SLC6A17: variants seen among roughly 807,000 people sequenced by gnomAD.
SLC6A17 encodes sodium-dependent neutral amino acid transporter SLC6A17.
A neutral mutation model predicts 64.5 loss-of-function variants in SLC6A17; 21 were observed. That is an observed-to-expected ratio of 0.33 (90% CI 0.23 to 0.47). The LOEUF (loss-of-function observed/expected upper bound fraction) is 0.47, where lower values mean the gene tolerates loss of function less well. Among genes scored for constraint, SLC6A17 ranks in the 20% least tolerant of loss-of-function variants. SLC6A17 has a pLI of 1.00. For synonymous variants in SLC6A17, 372 were observed against 399.5 expected, an observed-to-expected ratio of 0.93 and a Z score of 0.82; for missense variants, 682 against 963.2, an observed-to-expected ratio of 0.71 and a Z score of 3.86.
chr1:110,186,943 G>GA (rs1223240238), intron 6 of SLC6A17, among the ~76,000 whole-genome samples: 1 of 152,156 alleles, frequency 6.6e-6, no homozygotes, highest in Non-Finnish European at 1.5e-5. Flanking sequence ...GGAATTTCAG[G>GA]AAAAAATTAC....
chr1:110,157,885 C>A (rs1172769954), intron 1 of SLC6A17, among the ~76,000 whole-genome samples: 1 of 152,146 alleles, frequency 6.6e-6, no homozygotes, highest in African/African-American at 2.4e-5. Flanking sequence ...TTTCCCAGGA[C>A]ATCCACATGG....
chr1:110,197,455 G>A lies in SLC6A17; in HGVS notation c.1671G>A (p.Thr557=), dbSNP rs768316071. 12 of 1,612,832 alleles carry A rather than the reference G, an allele frequency of 7.4e-6. No homozygotes were observed. The highest frequency in any genetic ancestry group is 1.7e-4 in the Middle Eastern group (1 of 6,058). Residue 557 remains threonine (T), a synonymous_variant, in exon 11 of 12, where the codon ACG becomes ACA. Transcript: ENST00000331565. ...CTGGCAGGTTCATGCAGGAGCTGAC[G>A]GAGATGCTGGGCTTCCGCCCCTACC... ...YGTKKFMQEL[T]EMLGFRPYRF...
chr1:110,193,945 CAG>C (rs1463904626), intron 8 of SLC6A17, among the ~76,000 whole-genome samples: 3 of 152,214 alleles, frequency 2.0e-5, no homozygotes, highest in South Asian at 2.1e-4. Flanking sequence ...GTGTAAGTGA[CAG>C]GGGGCAGTGT....
intron 5 of SLC6A17, among the ~76,000 whole-genome samples, chr1:110,175,779 C>G (rs969675739): frequency 2.6e-5 from 4 of 152,228 alleles, no homozygotes; most frequent in African/African-American, 9.6e-5. Context: ...TTGACCTCTT[C>G]CCTTTCCAGA....
rs1657071642 is a variant in SLC6A17 at position 110,199,811 on chromosome 1, C to T, written c.*1367C>T. On this transcript the variant is annotated 3_prime_UTR_variant, in exon 12 of 12. Coordinates refer to ENST00000331565, the MANE Select transcript of SLC6A17 (RefSeq NM_001010898.4). ...TTCTCAGAGTGCAGCCAGGGAGGAA[C>T]CTGACCCAAGAGTAAATGTCTGCAG... is the stretch of plus-strand genomic sequence containing the variant. 2.5e-6 allele frequency: 1 copy of T among 396,014 alleles called. No individual in the cohort carries two copies. The allele number at this position is 396,014 out of a possible 1,614,324, so 24.5% of individuals were successfully genotyped here.
chr1:110,174,639 C>A, intron 4 of SLC6A17, 140 bp from the exon 5 acceptor site: 1 of 1,063,962 alleles, frequency 9.4e-7, no homozygotes, highest in Non-Finnish European at 1.3e-6. Context: ...TCCCGGCTAA[C>A]CCAAGATGAG....
intron 6 of SLC6A17, among the ~76,000 whole-genome samples, chr1:110,189,864 C>G (rs965525189): frequency 1.3e-5 from 2 of 152,220 alleles, no homozygotes; most frequent in African/African-American, 4.8e-5. Flanking sequence ...GGAAGCCTTG[C>G]CTGGCCTCCC....
intron 3 of SLC6A17, 124 bp downstream of exon 3, chr1:110,172,341 C>T (rs1302774608): frequency 1.6e-6 from 2 of 1,249,894 alleles, no homozygotes; most frequent in Non-Finnish European, 2.2e-6. Flanking sequence ...GAGGGGGATC[C>T]TCAACATGGG....
chr1:110,192,234 T>C lies in SLC6A17; in HGVS notation c.1106+21T>C. 1 of 1,595,590 alleles carries C rather than the reference T, an allele frequency of 6.3e-7. No homozygotes were observed. Among genetic ancestry groups the C allele is most frequent in the Non-Finnish European group, 8.6e-7 (1 of 1,168,122 alleles). On this transcript the variant is annotated intron_variant, in intron 7 of 11. Transcript: ENST00000331565. The surrounding 1 kb of genome is among the most constrained non-coding windows in gnomAD (Gnocchi z 4.3). ...GTCGAGTAGGTGGCATCTCTCCTCC[T>C]GTCCCTCCTTCTCCCTGTCTACCTT...
At position 110,194,781 on chromosome 1, in the gene SLC6A17, C is replaced by T. The variant is rs753822702; in HGVS notation, c.1492+10C>T. On this transcript the variant is annotated intron_variant, in intron 9 of 11. Coordinates refer to ENST00000331565, the MANE Select transcript of SLC6A17 (RefSeq NM_001010898.4). ...AAGGAGATGTTCACAGGTAACTCCTCCCTGCCCCCATGCCCAGGCTCTGCA... is the reference window on the plus strand; with the variant it reads ...AAGGAGATGTTCACAGGTAACTCCTTCCTGCCCCCATGCCCAGGCTCTGCA... 6.2e-7 allele frequency: 1 copy of T among 1,611,314 alleles called. No homozygotes were observed. Among genetic ancestry groups the T allele is most frequent in the Non-Finnish European group, 8.5e-7 (1 of 1,180,014 alleles).
intron 1 of SLC6A17, among the ~76,000 whole-genome samples, chr1:110,151,834 T>C (rs1238558216): frequency 6.6e-6 from 1 of 152,080 alleles, no homozygotes; most frequent in African/African-American, 2.4e-5. Flanking sequence ...CCTTTTGGAT[T>C]ACGAGATTTC....
chr1:110,200,984 T>A lies in SLC6A17; in HGVS notation c.*2540T>A, dbSNP rs574586730. 6.6e-6 allele frequency: 1 copy of A among 152,186 alleles called. No homozygotes were observed. The highest frequency in any genetic ancestry group is 2.4e-5 in the African/African-American group (1 of 41,490). 9.4% of individuals were successfully genotyped at this position (152,186 alleles called of 1,614,324 possible). ...TGCTACGGGGAAAGGCATGTGTTTCTTGCTGGTGACTCATTGCCTTCACAC... is the reference window on the plus strand; with the variant it reads ...TGCTACGGGGAAAGGCATGTGTTTCATGCTGGTGACTCATTGCCTTCACAC... On this transcript the variant is annotated 3_prime_UTR_variant, in exon 12 of 12. Transcript: ENST00000331565.
At chr1:110,195,515 GC>G in intron 9 of SLC6A17, 70 bp from the exon 10 acceptor site, 2 of 1,569,050 alleles carry the variant, frequency 1.3e-6, no homozygotes. Flanking sequence ...GGGCCTGGGT[GC>G]CCCCGAGACC....
chr1:110,162,515 G>A (rs1475908806), intron 1 of SLC6A17, among the ~76,000 whole-genome samples: 1 of 152,214 alleles, frequency 6.6e-6, no homozygotes, highest in Non-Finnish European at 1.5e-5. Context: ...TAGCTGGCCT[G>A]CTGATGCCTG....
chr1:110,191,803 G>A (rs935347069), intron 6 of SLC6A17, among the ~76,000 whole-genome samples, 169 bp from the exon 7 acceptor site: 1 of 152,188 alleles, frequency 6.6e-6, no homozygotes, highest in Admixed American at 6.5e-5. Flanking sequence ...GCGTATTGGG[G>A]AAACTGAGGC....
At position 110,176,684 on chromosome 1, in the gene SLC6A17, G is replaced by A. The variant is rs765114628; in HGVS notation, c.809G>A (p.Arg270Gln). The A allele has an allele frequency of 2.0e-5, 33 of 1,613,854 alleles. No individual in the cohort carries two copies. The highest frequency in any genetic ancestry group is 1.6e-4 in the Middle Eastern group (1 of 6,080). The change falls in exon 6 of 12, where the codon CGG becomes CAG. Residue 270 changes from arginine to glutamine, a missense_variant. By Grantham distance (43) the Arg-to-Gln change is conservative. Transcript: ENST00000331565. ...GTGGTGCTGGCCTGCTTCCTGGTCC[G>A]GGGGCTGTTGCTGCGAGGGGCAGTT... ...PYVVLACFLVRGLLLRGAVDG... is the reference protein window; with the variant it reads ...PYVVLACFLVQGLLLRGAVDG...
Position 110,200,718 on chromosome 1 carries a change from G to C in SLC6A17, c.*2274G>C, listed in dbSNP as rs1392580335. 3 of 152,396 alleles carry C rather than the reference G, an allele frequency of 2.0e-5. No individual in the cohort carries two copies. The highest frequency in any genetic ancestry group is 2.1e-4 in the South Asian group (1 of 4,856). The allele number at this position is 152,396 out of a possible 1,614,324, so 9.4% of individuals were successfully genotyped here. A position where few individuals can be genotyped will look rare whatever the true frequency, so the allele number is the denominator to read the frequency against. On this transcript the variant is annotated 3_prime_UTR_variant, in exon 12 of 12. Transcript: ENST00000331565. ...GCTAGGTGTGGGCGCGCTAGTGCTC[G>C]TTGTAGCCTTTTGCTGTGTCTTCGC...
At chr1:110,173,797 C>T (rs947897823) in intron 3 of SLC6A17, among the ~76,000 whole-genome samples, 176 bp from the exon 4 acceptor site, 1 of 57,916 alleles carries the variant, frequency 1.7e-5, no homozygotes. Context: ...ATGAATGGAG[C>T]GTGAATGGAG....
At chr1:110,168,499 T>G (rs1380268005) in intron 2 of SLC6A17, among the ~76,000 whole-genome samples, 1 of 152,192 alleles carries the variant, frequency 6.6e-6, no homozygotes, top group Non-Finnish European at 1.5e-5. Flanking sequence ...AGCTGCATGG[T>G]CTCCTTGCTT....
Sources: gnomAD v4.1 joint callset for allele counts (sites outside exome capture counted in the v4.1 genomes callset) on GRCh38, gnomAD v4.1.1 for gene constraint, Gnocchi (gnomAD v3.1) non-coding constraint, MANE v1.5 for transcripts, NCBI Gene and HGNC (gene_info 2026-07-23, HGNC 2026-07-21) for gene names.